SLC7A9: variants seen among roughly 807,000 people sequenced by gnomAD.
SLC7A9 encodes the protein solute carrier family 7 member 9, also known as B(0,+)-type amino acid transporter 1.
Under a neutral mutation model 54.1 loss-of-function variants are expected in SLC7A9, and 38 were observed. The observed-to-expected ratio is 0.70, with a 90% CI of 0.54 to 0.92. The LOEUF (loss-of-function observed/expected upper bound fraction) is 0.92. SLC7A9 is among the 40% of genes least tolerant of loss of function. The pLI is 0.00. For missense variants in SLC7A9, 537 were observed against 636.1 expected, an observed-to-expected ratio of 0.84 and a Z score of 1.68; for synonymous variants, 264 against 258.9, an observed-to-expected ratio of 1.02 and a Z score of -0.19.
At chr19:32,860,732 C>T in intron 6 of SLC7A9, 82 bp from the exon 7 acceptor site, 1 of 1,565,480 alleles carries the variant, frequency 6.4e-7, no homozygotes, top group Non-Finnish European at 8.7e-7. Context: ...ATGTTGGCCT[C>T]ATTTAAGATT....
At chr19:32,842,104 A>G in intron 11 of SLC7A9, 64 bp downstream of exon 11, 2 of 1,516,894 alleles carry the variant, frequency 1.3e-6, no homozygotes, top group Non-Finnish European at 1.8e-6. Context: ...TAGCATTTGA[A>G]AGAGTTACAT....
At chr19:32,868,363 C>T (rs1475553640) in intron 2 of SLC7A9, 85 bp downstream of exon 2, 21 of 919,530 alleles carry the variant, frequency 2.3e-5, no homozygotes, top group Admixed American at 6.9e-5. Context: ...CACTAGGGAT[C>T]GGCCCGGATT....
intron 12 of SLC7A9, chr19:32,831,198 C>CA (rs764102535): frequency 7.1e-3 from 654 of 92,464 alleles, no homozygotes; most frequent in South Asian, 0.017. Context: ...ACTAAAAATA[C>CA]AAAAAAAAAA....
At chr19:32,832,688 G>A (rs1967839709) in intron 12 of SLC7A9, 1 of 182,106 alleles carries the variant, frequency 5.5e-6, no homozygotes, top group Admixed American at 5.5e-5. Flanking sequence ...AAGGTGGAAG[G>A]GTCATTTGAG....
chr19:32,848,947 C>T (rs1295238910), intron 9 of SLC7A9, among the ~76,000 whole-genome samples: 1 of 151,198 alleles, frequency 6.6e-6, no homozygotes, highest in Non-Finnish European at 1.5e-5. Context: ...GGGTACATAA[C>T]TAAATGAAGG....
In SLC7A9 at chr19:32,859,938, C is replaced by G. The variant is rs1968747409; in HGVS notation, c.776G>C (p.Gly259Ala). ...GTAGCACGCCGTCACCAGGGGGATC[C>G]CGATGATAATGGCCAAAGGCAGGTT... ...YRNLPLAIII[G>A]IPLVTACYIL... The change falls in exon 8 of 13, where the codon GGG (glycine) becomes GCG (alanine). Residue 259 changes from glycine (G) to alanine (A), a missense_variant. Physicochemically the swap from Gly to Ala is moderately conservative, Grantham distance 60. Coordinates refer to ENST00000023064, the MANE Select transcript of SLC7A9 (RefSeq NM_014270.5). 1 of 1,613,994 alleles carries G rather than the reference C, an allele frequency of 6.2e-7. No homozygotes were observed.
intron 11 of SLC7A9, among the ~76,000 whole-genome samples, chr19:32,839,346 A>C (rs1204947577): frequency 6.6e-6 from 1 of 152,072 alleles, no homozygotes; most frequent in Non-Finnish European, 1.5e-5. Flanking sequence ...CAAAGTCAGG[A>C]GTTCGAGACC....
chr19:32,845,098 A>G (rs1968247160), intron 9 of SLC7A9, among the ~76,000 whole-genome samples: 1 of 151,642 alleles, frequency 6.6e-6, no homozygotes, highest in Non-Finnish European at 1.5e-5. Context: ...CGGGAGGCAG[A>G]GGTTGCAGTA....
intron 11 of SLC7A9, among the ~76,000 whole-genome samples, chr19:32,834,973 A>T (rs1967915792): frequency 6.6e-6 from 1 of 152,066 alleles, no homozygotes; most frequent in South Asian, 2.1e-4. Flanking sequence ...TATTTTTAGT[A>T]GAGACAGGGT....
intron 10 of SLC7A9, 37 bp downstream of exon 10, chr19:32,843,818 G>T: frequency 6.6e-7 from 1 of 1,511,874 alleles, no homozygotes; most frequent in Non-Finnish European, 9.2e-7. Context: ...GAGTGTCCCC[G>T]CCTTGAAGAT....
At chr19:32,837,448 C>T (rs1967990174) in intron 11 of SLC7A9, among the ~76,000 whole-genome samples, 1 of 136,522 alleles carries the variant, frequency 7.3e-6, no homozygotes, top group African/African-American at 2.7e-5. Context: ...GAGTTGTAAT[C>T]ACACCACTGC....
At chr19:32,865,458 C>T (rs745885043) in intron 2 of SLC7A9, among the ~76,000 whole-genome samples, 6 of 152,174 alleles carry the variant, frequency 3.9e-5, no homozygotes, top group African/African-American at 1.4e-4. Flanking sequence ...CGTAAGCCGC[C>T]GTGCCTGGCC....
chr19:32,859,852 C>T lies in SLC7A9; in HGVS notation c.862G>A (p.Ala288Thr). 6.2e-7 allele frequency: 1 copy of T among 1,613,966 alleles called. No individual in the cohort carries two copies. Among genetic ancestry groups the T allele is most frequent in the Non-Finnish European group, 8.5e-7 (1 of 1,179,854 alleles). ...MTATELLQSQ[A>T]VAVTFGDRVL... ...GCCCGGGCACTCACCACAGCCACCGCCTGGGACTGCAGGAGTTCGGTGGCA... is the reference window on the plus strand; with the variant it reads ...GCCCGGGCACTCACCACAGCCACCGTCTGGGACTGCAGGAGTTCGGTGGCA... Residue 288 changes from alanine (A) to threonine (T), a missense_variant, in exon 8 of 13, where the codon GCG becomes ACG. By Grantham distance (58) the Ala-to-Thr change is moderately conservative. Transcript: ENST00000023064.
intron 11 of SLC7A9, among the ~76,000 whole-genome samples, chr19:32,837,350 C>T (rs532019879): frequency 2.0e-5 from 3 of 152,082 alleles, no homozygotes; most frequent in Admixed American, 2.0e-4. Context: ...CAAAAATTAG[C>T]CAGGTGTGGT....
chr19:32,847,085 A>G (rs1301649448), intron 9 of SLC7A9, among the ~76,000 whole-genome samples: 1 of 152,248 alleles, frequency 6.6e-6, no homozygotes, highest in African/African-American at 2.4e-5. Context: ...AAGATGGGGA[A>G]AAAACAGAGC....
chr19:32,846,465 G>C (rs1968299095), intron 9 of SLC7A9, among the ~76,000 whole-genome samples: 1 of 152,352 alleles, frequency 6.6e-6, no homozygotes, highest in Admixed American at 6.5e-5. Flanking sequence ...CAGCGAGGCT[G>C]GGGGAGGGGC....
In SLC7A9 at chr19:32,858,768, C is replaced by CTATATTTATTTA. The variant is rs373392618; in HGVS notation, c.874-226_874-225insTAAATAAATATA. ...TTATCTACTACTCCCTGGCATAAAT[C>CTATATTTATTTA]TTTATTTATTTATTTATTTATTTAT... On this transcript the variant is annotated intron_variant, in intron 8 of 12. Transcript: ENST00000023064. Among the ~76,000 whole-genome samples the CTATATTTATTTA allele has an allele frequency of 0.081, 11,980 of 148,610 alleles. 590 individuals carry two copies. The highest frequency in any genetic ancestry group is 0.12 in the Middle Eastern group (35 of 292).
intron 1 of SLC7A9, 62 bp downstream of exon 1, chr19:32,869,624 A>G (rs1157690939): frequency 6.6e-6 from 1 of 152,098 alleles, no homozygotes; most frequent in Non-Finnish European, 1.5e-5. Context: ...TAAATAAATT[A>G]TCTGTCCAGG....
intron 11 of SLC7A9, among the ~76,000 whole-genome samples, chr19:32,833,833 G>A (rs1454019330): frequency 1.3e-5 from 2 of 151,998 alleles, no homozygotes; most frequent in African/African-American, 4.8e-5. Flanking sequence ...ACTGTTTAAT[G>A]TTTTAGCATC....
Sources: allele counts gnomAD v4.1 joint callset (sites outside exome capture counted in the v4.1 genomes callset), GRCh38; gene constraint gnomAD v4.1.1; transcripts MANE v1.5; gene names NCBI Gene and HGNC (gene_info 2026-07-23, HGNC 2026-07-21).